The following PTPRM variants were observed in gnomAD, a reference collection of about 807,000 sequenced individuals.
The protein encoded by PTPRM is receptor-type tyrosine-protein phosphatase mu.
PTPRM carries 47 observed loss-of-function variants against 186.7 expected under a neutral mutation model. The ratio of observed to expected loss-of-function variants is 0.25; its 90% CI spans 0.20 to 0.32. PTPRM has a LOEUF of 0.32. Ranked by LOEUF, PTPRM falls within the 10% of genes least tolerant of loss-of-function variation. The probability of loss-of-function intolerance (pLI) is 1.00; values close to 1 mark genes in which losing one functional copy is unlikely to be tolerated. For synonymous variants in PTPRM, 668 were observed against 674.9 expected (o/e 0.99, Z 0.16); for missense variants, 1,494 against 1,865.0 (o/e 0.80, Z 3.66).
At chr18:8,271,788 T>C (rs1272975226) in intron 19 of PTPRM, among the ~76,000 whole-genome samples, 1 of 152,200 alleles carries the variant, frequency 6.6e-6, no homozygotes, top group African/African-American at 2.4e-5. Context: ...AATATATTCT[T>C]ATCTTTTTAA....
chr18:7,650,110 T>A (rs1277045535), intron 1 of PTPRM, among the ~76,000 whole-genome samples: 2 of 152,148 alleles, frequency 1.3e-5, no homozygotes, highest in Non-Finnish European at 2.9e-5. Flanking sequence ...GGTACAGTAT[T>A]CAGGGGATGC....
At chr18:7,796,968 A>G (rs886296166) in intron 2 of PTPRM, among the ~76,000 whole-genome samples, 2 of 152,228 alleles carry the variant, frequency 1.3e-5, no homozygotes, top group African/African-American at 4.8e-5. Context: ...TATATTTCAC[A>G]TCTGTGACAC....
chr18:7,903,847 T>C (rs904297826), intron 3 of PTPRM, among the ~76,000 whole-genome samples: 3 of 152,312 alleles, frequency 2.0e-5, no homozygotes, highest in Middle Eastern at 3.4e-3. Flanking sequence ...TTCTCCAGTT[T>C]CACATCCATC....
intron 1 of PTPRM, among the ~76,000 whole-genome samples, chr18:7,696,648 A>G (rs1376528625): frequency 6.6e-6 from 1 of 152,212 alleles, no homozygotes; most frequent in South Asian, 2.1e-4. Context: ...TCAAGGGGCG[A>G]GGATGAGATT....
chr18:7,714,091 C>T (rs2040271209), intron 1 of PTPRM, among the ~76,000 whole-genome samples: 1 of 152,184 alleles, frequency 6.6e-6, no homozygotes, highest in Non-Finnish European at 1.5e-5. Context: ...CCACGTTGCA[C>T]TTACTCTAAA....
At chr18:7,863,287 T>C (rs1805556590) in intron 2 of PTPRM, among the ~76,000 whole-genome samples, 1 of 152,238 alleles carries the variant, frequency 6.6e-6, no homozygotes, top group Non-Finnish European at 1.5e-5. Flanking sequence ...CATGCCATGG[T>C]GGTTTGCTGC....
chr18:7,927,463 TGTGTGG>T (rs143174855), intron 5 of PTPRM, among the ~76,000 whole-genome samples: 14,440 of 148,142 alleles, frequency 0.097, 713 homozygotes, highest in Middle Eastern at 0.26. Flanking sequence ...TTCCGTGTTT[TGTGTGG>T]GTGTGGGTTT....
chr18:8,130,746 T>G (rs533149494), intron 13 of PTPRM, among the ~76,000 whole-genome samples: 1 of 152,184 alleles, frequency 6.6e-6, no homozygotes, highest in Non-Finnish European at 1.5e-5. Flanking sequence ...CTAACTGTGA[T>G]TTTAAAAGGG....
At chr18:8,145,342 T>C (rs673993) in intron 14 of PTPRM, among the ~76,000 whole-genome samples, 151,821 of 152,240 alleles carry the variant, frequency 1, 75,702 homozygotes, top group Middle Eastern at 1. Context: ...CTTTATTATA[T>C]TTTAAGTTCT....
intron 11 of PTPRM, among the ~76,000 whole-genome samples, chr18:8,095,794 A>G (rs1487694149): frequency 1.3e-5 from 2 of 152,152 alleles, no homozygotes; most frequent in African/African-American, 4.8e-5. Flanking sequence ...AAGGAAAAAA[A>G]GAGAATATAT....
At chr18:7,626,786 C>T (rs1028196108) in intron 1 of PTPRM, among the ~76,000 whole-genome samples, 22 of 152,250 alleles carry the variant, frequency 1.4e-4, no homozygotes, top group Middle Eastern at 6.8e-3. Context: ...AACTCCAGGG[C>T]TCAAGTAATC....
intron 14 of PTPRM, among the ~76,000 whole-genome samples, chr18:8,229,057 CGTCT>C (rs2094252298): frequency 6.6e-6 from 1 of 151,924 alleles, no homozygotes; most frequent in South Asian, 2.1e-4. Context: ...AGTCAGTGTC[CGTCT>C]GTCTGTCTGT....
intron 14 of PTPRM, among the ~76,000 whole-genome samples, chr18:8,170,951 C>CA (rs1309159935): frequency 6.6e-6 from 1 of 152,162 alleles, no homozygotes; most frequent in Non-Finnish European, 1.5e-5. Context: ...TGCCCTGCAG[C>CA]AAAAATAAAT....
At chr18:8,299,525 TGC>T (rs2095132696) in intron 20 of PTPRM, among the ~76,000 whole-genome samples, 1 of 151,290 alleles carries the variant, frequency 6.6e-6, no homozygotes, top group African/African-American at 2.4e-5. Flanking sequence ...AGATGGAGGT[TGC>T]AGTGAGCCGA....
intron 1 of PTPRM, among the ~76,000 whole-genome samples, chr18:7,687,801 CGG>C (rs1487933293): frequency 6.9e-6 from 1 of 144,040 alleles, no homozygotes; most frequent in African/African-American, 2.6e-5. Flanking sequence ...TTTTTTAAGA[CGG>C]AGTCTCACTG....
intron 13 of PTPRM, among the ~76,000 whole-genome samples, chr18:8,134,404 G>T (rs1447087661): frequency 6.6e-6 from 1 of 152,130 alleles, no homozygotes; most frequent in Non-Finnish European, 1.5e-5. Flanking sequence ...CTCTTGGGAA[G>T]CTCCGATGGC....
intron 2 of PTPRM, among the ~76,000 whole-genome samples, chr18:7,829,403 A>G (rs1171382754): frequency 2.6e-5 from 4 of 152,204 alleles, no homozygotes; most frequent in African/African-American, 9.6e-5. Flanking sequence ...TAGCTAATCA[A>G]CGTATTTGTA....
intron 7 of PTPRM, among the ~76,000 whole-genome samples, chr18:8,002,159 C>G (rs2083914075): frequency 6.6e-6 from 1 of 152,164 alleles, no homozygotes; most frequent in Non-Finnish European, 1.5e-5. Context: ...GAAAATGCAT[C>G]TGGAAAGAGT....
intron 11 of PTPRM, among the ~76,000 whole-genome samples, chr18:8,090,315 T>C (rs1418033389): frequency 6.6e-6 from 1 of 152,206 alleles, no homozygotes; most frequent in Non-Finnish European, 1.5e-5. Context: ...ACTTAACAGT[T>C]GCTCAGACTC....
Sources: allele counts gnomAD v4.1 joint callset (sites outside exome capture counted in the v4.1 genomes callset), GRCh38; gene constraint gnomAD v4.1.1; transcripts MANE v1.5; gene names NCBI Gene and HGNC (gene_info 2026-07-23, HGNC 2026-07-21).